TTC29: variants seen among roughly 807,000 people sequenced by gnomAD.
The protein encoded by TTC29 is tetratricopeptide repeat protein 29.
A neutral mutation model predicts 58.1 loss-of-function variants in TTC29; 49 were observed. The observed-to-expected ratio is 0.84, with a 90% confidence interval of 0.67 to 1.07. TTC29 has a LOEUF of 1.07. Ranked by LOEUF, TTC29 falls within the 50% of genes least tolerant of loss-of-function variation. The pLI is 0.00. For synonymous variants in TTC29, 209 were observed against 196.8 expected, an observed-to-expected ratio of 1.06 and a Z score of -0.52; for missense variants, 582 against 555.6, an observed-to-expected ratio of 1.05 and a Z score of -0.48.
chr4:146,866,873 G>GAGA (rs1356137966), intron 8 of TTC29, among the ~76,000 whole-genome samples: 1 of 152,112 alleles, frequency 6.6e-6, no homozygotes, highest in East Asian at 1.9e-4. Context: ...GTAGAGGTAA[G>GAGA]AGAAGAAGAA....
intron 9 of TTC29, among the ~76,000 whole-genome samples, chr4:146,824,255 T>C (rs919998969): frequency 1.3e-5 from 2 of 152,190 alleles, no homozygotes; most frequent in African/African-American, 2.4e-5. Context: ...AAATAGTTCT[T>C]ATTATTTTGA....
chr4:146,906,160 A>AT lies in TTC29; in HGVS notation c.401-2432dup, dbSNP rs201409422. On this transcript the variant is annotated intron_variant, in intron 5 of 12. Transcript: ENST00000325106. The stretch of plus-strand genomic sequence containing the variant: ...GCAATGATTCATGACAATGGATAAT[A>AT]TTTAAAAAAAAAAAGTATCAGGGAC... Among the ~76,000 whole-genome samples, 802 of 152,134 alleles carry AT rather than the reference A, an allele frequency of 5.3e-3. 6 individuals carry two copies. Among genetic ancestry groups the AT allele is most frequent in the Non-Finnish European group, 8.6e-3 (588 of 67,978 alleles).
intron 11 of TTC29, among the ~76,000 whole-genome samples, chr4:146,792,015 A>C (rs1259089435): frequency 6.6e-6 from 1 of 152,240 alleles, no homozygotes; most frequent in Non-Finnish European, 1.5e-5. Flanking sequence ...TAAGAGAAGA[A>C]GTCATCTCCA....
intron 11 of TTC29, among the ~76,000 whole-genome samples, chr4:146,776,195 C>T (rs1189896319): frequency 6.6e-6 from 1 of 152,070 alleles, no homozygotes; most frequent in African/African-American, 2.4e-5. Flanking sequence ...TGTATTGTTT[C>T]ATTGTAGTCC....
intron 11 of TTC29, among the ~76,000 whole-genome samples, chr4:146,724,153 AC>A (rs1561061694): frequency 6.6e-6 from 1 of 152,150 alleles, no homozygotes; most frequent in Non-Finnish European, 1.5e-5. Flanking sequence ...GTTCTCACTT[AC>A]AAGTAGGAGT....
chr4:146,854,490 G>A (rs1255310850), intron 8 of TTC29, among the ~76,000 whole-genome samples: 1 of 152,126 alleles, frequency 6.6e-6, no homozygotes, highest in African/African-American at 2.4e-5. Flanking sequence ...CCCTAGAGCA[G>A]GGCACACTTT....
intron 11 of TTC29, among the ~76,000 whole-genome samples, chr4:146,792,025 A>G (rs1253954886): frequency 6.6e-6 from 1 of 152,234 alleles, no homozygotes; most frequent in Non-Finnish European, 1.5e-5. Context: ...AGTCATCTCC[A>G]TAACATAAAA....
At chr4:146,782,177 C>CACTT (rs1490745278) in intron 11 of TTC29, among the ~76,000 whole-genome samples, 1 of 151,856 alleles carries the variant, frequency 6.6e-6, no homozygotes, top group South Asian at 2.1e-4. Flanking sequence ...ACACAGAAGA[C>CACTT]ACTTAAACTT....
Position 146,763,224 on chromosome 4 carries a change from C to A in TTC29, c.1330+40233G>T, listed in dbSNP as rs149141659. 7.2e-3 allele frequency among the ~76,000 whole-genome samples: 1,092 copies of A among 152,074 alleles called. 4 individuals carry two copies. Among genetic ancestry groups the A allele is most frequent in the Non-Finnish European group, 0.012 (835 of 67,970 alleles). On this transcript the variant is annotated intron_variant, in intron 11 of 12. Coordinates refer to ENST00000325106, the MANE Select transcript of TTC29 (RefSeq NM_031956.4). The stretch of plus-strand genomic sequence containing the variant: ...TTTTTTTTCCTTCCCCAAAATATGA[C>A]TGCATTAAGTAAATATAAAGTTAAG...
intron 6 of TTC29, among the ~76,000 whole-genome samples, chr4:146,893,403 C>T (rs1282121885): frequency 6.6e-6 from 1 of 152,110 alleles, no homozygotes; most frequent in African/African-American, 2.4e-5. Context: ...TGATCTTTGA[C>T]AAACCTGAGA....
At chr4:146,911,615 TG>T (rs1413143839) in intron 4 of TTC29, among the ~76,000 whole-genome samples, 1 of 152,220 alleles carries the variant, frequency 6.6e-6, no homozygotes, top group Non-Finnish European at 1.5e-5. Flanking sequence ...TTCAGTAGCC[TG>T]GCAAGTTCAA....
intron 11 of TTC29, among the ~76,000 whole-genome samples, chr4:146,798,490 A>G: frequency 6.6e-6 from 1 of 152,112 alleles, no homozygotes; most frequent in Non-Finnish European, 1.5e-5. Context: ...AAATAATGAT[A>G]ATAATAAGTT....
intron 11 of TTC29, among the ~76,000 whole-genome samples, chr4:146,802,985 G>A (rs796781302): frequency 2.6e-5 from 4 of 152,176 alleles, no homozygotes; most frequent in African/African-American, 9.6e-5. Context: ...CAAAAAAGTA[G>A]AATTGAGAAA....
At chr4:146,944,359 A>G (rs937177981) in intron 2 of TTC29, 19 of 152,262 alleles carry the variant, frequency 1.2e-4, no homozygotes, top group African/African-American at 3.1e-4. Context: ...ACATGCAAAG[A>G]CAAATGAAAA....
At chr4:146,802,315 A>G (rs1019544019) in intron 11 of TTC29, among the ~76,000 whole-genome samples, 7 of 152,252 alleles carry the variant, frequency 4.6e-5, no homozygotes, top group African/African-American at 1.4e-4. Context: ...ACAAGACAGC[A>G]TGCTGAAGTA....
chr4:146,732,102 G>C (rs568484253), intron 11 of TTC29, among the ~76,000 whole-genome samples: 6 of 152,108 alleles, frequency 3.9e-5, no homozygotes, highest in Non-Finnish European at 7.4e-5. Flanking sequence ...GAGTAGTGCT[G>C]TTAAACTGCT....
chr4:146,783,918 A>G (rs1159897265), intron 11 of TTC29, among the ~76,000 whole-genome samples: 1 of 152,094 alleles, frequency 6.6e-6, no homozygotes, highest in Admixed American at 6.6e-5. Flanking sequence ...CAAATTAACC[A>G]GGACTCTACT....
chr4:146,737,594 G>GGC (rs1554007354), intron 11 of TTC29, among the ~76,000 whole-genome samples: 3 of 148,652 alleles, frequency 2.0e-5, no homozygotes, highest in East Asian at 2.0e-4. Context: ...TAGCCCTGGG[G>GGC]GGGGGGGGGC....
intron 11 of TTC29, among the ~76,000 whole-genome samples, chr4:146,771,799 T>C (rs1421867307): frequency 6.6e-6 from 1 of 152,114 alleles, no homozygotes; most frequent in Non-Finnish European, 1.5e-5. Context: ...TTGGGTTGAA[T>C]GGTAGTTCTG....
Sources: allele counts gnomAD v4.1 joint callset (sites outside exome capture counted in the v4.1 genomes callset), GRCh38; gene constraint gnomAD v4.1.1; transcripts MANE v1.5; gene names NCBI Gene and HGNC (gene_info 2026-07-23, HGNC 2026-07-21).